The following LRRC7 variants were observed in gnomAD, a reference collection of about 807,000 sequenced individuals.
LRRC7 encodes the protein leucine rich repeat containing 7.
A neutral mutation model predicts 175.7 loss-of-function variants in LRRC7; 23 were observed. The observed-to-expected ratio is 0.13, with a 90% CI of 0.09 to 0.19. The LOEUF is 0.19. Ranked by LOEUF, LRRC7 falls within the 10% of genes least tolerant of loss-of-function variation. The pLI, the probability that LRRC7 is intolerant of heterozygous loss-of-function variation, is 1.00. For missense variants in LRRC7, 1,354 were observed against 1,904.7 expected (o/e 0.71, Z 5.38); for synonymous variants, 685 against 680.9 (o/e 1.01, Z -0.09).
intron 1 of LRRC7, among the ~76,000 whole-genome samples, chr1:69,605,386 G>T (rs1647365736): frequency 1.3e-5 from 2 of 152,108 alleles, no homozygotes; most frequent in South Asian, 2.1e-4. Context: ...TTTATTAGCA[G>T]CATGAGAGCA....
At chr1:70,080,421 G>A (rs1663121606) in intron 24 of LRRC7, among the ~76,000 whole-genome samples, 1 of 152,150 alleles carries the variant, frequency 6.6e-6, no homozygotes, top group Non-Finnish European at 1.5e-5. Context: ...CATTTAGTAA[G>A]CTTTGAGGCT....
At chr1:69,836,833 A>G (rs971040258) in intron 6 of LRRC7, among the ~76,000 whole-genome samples, 1 of 151,774 alleles carries the variant, frequency 6.6e-6, no homozygotes, top group African/African-American at 2.4e-5. Context: ...TCATATACAG[A>G]TTAATCATTA....
intron 4 of LRRC7, among the ~76,000 whole-genome samples, chr1:69,809,482 T>A (rs1158305800): frequency 6.6e-6 from 1 of 151,908 alleles, no homozygotes; most frequent in African/African-American, 2.4e-5. Flanking sequence ...AAACAGAAAA[T>A]TTCAGGCCAA....
intron 1 of LRRC7, among the ~76,000 whole-genome samples, chr1:69,589,008 T>TGTGTGC (rs756682853): frequency 2.0e-5 from 3 of 151,448 alleles, no homozygotes; most frequent in African/African-American, 7.3e-5. Context: ...TGTGTGTGTG[T>TGTGTGC]GCGTGCATGT....
At chr1:70,072,148 A>G (rs1662438380) in intron 23 of LRRC7, among the ~76,000 whole-genome samples, 1 of 152,158 alleles carries the variant, frequency 6.6e-6, no homozygotes, top group Non-Finnish European at 1.5e-5. Flanking sequence ...CCTCAAATAC[A>G]TGTTATTTTT....
chr1:69,672,077 T>C (rs1334314947), intron 1 of LRRC7, among the ~76,000 whole-genome samples: 1 of 152,222 alleles, frequency 6.6e-6, no homozygotes, highest in Non-Finnish European at 1.5e-5. Context: ...GTTACATATG[T>C]ATACATGTGC....
intron 3 of LRRC7, among the ~76,000 whole-genome samples, chr1:69,785,124 G>T (rs1473254602): frequency 6.6e-6 from 1 of 151,970 alleles, no homozygotes; most frequent in Non-Finnish European, 1.5e-5. Flanking sequence ...CTGTTTTTTA[G>T]TCAATTATTG....
intron 3 of LRRC7, among the ~76,000 whole-genome samples, chr1:69,791,069 C>T (rs938623735): frequency 6.6e-6 from 1 of 151,878 alleles, no homozygotes; most frequent in Non-Finnish European, 1.5e-5. Context: ...TCATGGATAC[C>T]AGACTTCATC....
intron 4 of LRRC7, among the ~76,000 whole-genome samples, chr1:69,811,650 C>G (rs1392362188): frequency 2.6e-5 from 4 of 152,132 alleles, no homozygotes; most frequent in Non-Finnish European, 5.9e-5. Context: ...AACCATCATT[C>G]TCAGCAAACT....
In LRRC7 at chr1:70,138,949, C is replaced by T. The variant is rs893073224; in HGVS notation, c.*17062C>T. 3.3e-5 allele frequency: 5 copies of T among 152,144 alleles called. No individual in the cohort carries two copies. The highest frequency in any genetic ancestry group is 1.2e-4 in the African/African-American group (5 of 41,444). The allele number at this position is 152,144 out of a possible 1,614,324, so 9.4% of individuals were successfully genotyped here. The stretch of plus-strand genomic sequence containing the variant: ...TGTTAAATTCAAAGGCATAGCTGCT[C>T]GTGAAGACCCTATTATGTTTTATTT... On this transcript the variant is annotated 3_prime_UTR_variant, in exon 27 of 27. Coordinates refer to ENST00000651989, the MANE Select transcript of LRRC7 (RefSeq NM_001370785.2).
intron 1 of LRRC7, among the ~76,000 whole-genome samples, chr1:69,621,754 T>C (rs908473602): frequency 1.3e-5 from 2 of 152,210 alleles, no homozygotes; most frequent in Non-Finnish European, 2.9e-5. Flanking sequence ...CCTTGGCCTC[T>C]TTCCTTACTG....
intron 4 of LRRC7, among the ~76,000 whole-genome samples, chr1:69,798,837 A>C (rs1007325395): frequency 6.6e-6 from 1 of 152,130 alleles, no homozygotes; most frequent in East Asian, 1.9e-4. Context: ...GAAAATTACC[A>C]ATGTCCCCAT....
chr1:69,781,729 AAGAAAGAGAGAG>A lies in LRRC7; in HGVS notation c.304-10310_304-10299del, dbSNP rs1485700663. On this transcript the variant is annotated intron_variant, in intron 3 of 26. Transcript: ENST00000651989. ...AAAGAAAGAAAGAAAGAAAGAAAGA[AAGAAAGAGAGAG>A]AGAGAGAGAGAGAGAGAGAGAGAGA... 1.3e-3 allele frequency among the ~76,000 whole-genome samples: 44 copies of A among 32,952 alleles called. 1 individual carries two copies. Among genetic ancestry groups the A allele is most frequent in the Non-Finnish European group, 1.6e-3 (31 of 19,276 alleles). 21.6% of individuals were successfully genotyped at this position (32,952 alleles called of 152,430 possible). A position where few individuals can be genotyped will look rare whatever the true frequency, so the allele number is the denominator to read the frequency against.
chr1:69,620,275 T>A, intron 1 of LRRC7, among the ~76,000 whole-genome samples: 1 of 152,176 alleles, frequency 6.6e-6, no homozygotes, highest in Non-Finnish European at 1.5e-5. Context: ...TTACATTTTT[T>A]TTTTACTTTT....
Position 70,077,181 on chromosome 1 carries a change from T to C in LRRC7, c.4452+883T>C, listed in dbSNP as rs560370320. On this transcript the variant is annotated intron_variant, in intron 24 of 26. Coordinates refer to ENST00000651989, the MANE Select transcript of LRRC7 (RefSeq NM_001370785.2). ...TTAACTTCATTCTCCAGATTTTCCC[T>C]TTATATTGTTAAGAGCCATTTATCA... Among the ~76,000 whole-genome samples the C allele has an allele frequency of 2.6e-5, 4 of 152,290 alleles. No homozygotes were observed. The South Asian group carries it at 8.3e-4, about 32-fold the overall frequency.
chr1:69,687,924 G>A (rs1177219341), intron 2 of LRRC7, among the ~76,000 whole-genome samples: 2 of 152,098 alleles, frequency 1.3e-5, no homozygotes, highest in Non-Finnish European at 2.9e-5. Flanking sequence ...ATAACTCAAG[G>A]ATGGTTTTAT....
chr1:69,740,532 C>A (rs904608341), intron 2 of LRRC7, among the ~76,000 whole-genome samples: 1 of 151,980 alleles, frequency 6.6e-6, no homozygotes, highest in African/African-American at 2.4e-5. Flanking sequence ...CAGGGGGACT[C>A]CAGTACAGCC....
At chr1:69,846,115 G>T (rs951720791) in intron 7 of LRRC7, among the ~76,000 whole-genome samples, 1 of 151,998 alleles carries the variant, frequency 6.6e-6, no homozygotes, top group Non-Finnish European at 1.5e-5. Context: ...GGATAATTAT[G>T]ACATTCTATA....
At chr1:69,777,537 C>T (rs986764512) in intron 3 of LRRC7, among the ~76,000 whole-genome samples, 1 of 152,162 alleles carries the variant, frequency 6.6e-6, no homozygotes, top group African/African-American at 2.4e-5. Flanking sequence ...AGTCTTCAAA[C>T]TTGTACATGC....
Sources: allele counts gnomAD v4.1 joint callset (sites outside exome capture counted in the v4.1 genomes callset), GRCh38; gene constraint gnomAD v4.1.1; transcripts MANE v1.5; gene names NCBI Gene and HGNC (gene_info 2026-07-23, HGNC 2026-07-21).